The following RBPJ variants were observed in gnomAD, a reference collection of about 807,000 sequenced individuals.
RBPJ encodes the protein recombining binding protein suppressor of hairless.
RBPJ carries 9 observed loss-of-function variants against 67.8 expected under a neutral mutation model. That is an observed-to-expected ratio of 0.13 (90% confidence interval 0.08 to 0.23). The LOEUF (loss-of-function observed/expected upper bound fraction) is 0.23, where lower values mean the gene tolerates loss of function less well. Ranked by LOEUF, RBPJ falls within the 10% of genes least tolerant of loss-of-function variation. RBPJ has a pLI of 1.00. For missense variants in RBPJ, 305 were observed against 595.6 expected (o/e 0.51, Z 5.08); for synonymous variants, 198 against 203.3 (o/e 0.97, Z 0.22).
At chr4:26,208,865 T>C (rs779217670) in intron 1 of RBPJ, among the ~76,000 whole-genome samples, 1 of 152,164 alleles carries the variant, frequency 6.6e-6, no homozygotes, top group Non-Finnish European at 1.5e-5. Flanking sequence ...TATGACTTCA[T>C]TGGCCATTTA....
At position 26,431,104 on chromosome 4, in the gene RBPJ, A is replaced by C. The variant is rs1334868278; in HGVS notation, c.*97A>C. 1.2e-5 allele frequency: 14 copies of C among 1,150,442 alleles called. No homozygotes were observed. The East Asian group carries it at 2.8e-4, about 23-fold the overall frequency. The allele number at this position is 1,150,442 out of a possible 1,614,324, so 71.3% of individuals were successfully genotyped here. On this transcript the variant is annotated 3_prime_UTR_variant, in exon 11 of 11. Transcript: ENST00000355476. ...AACAATCGTTTGTGGTTTCTTGGGAAAACTTTTCATACCAGGTGATACTAT... is the reference window on the plus strand; with the variant it reads ...AACAATCGTTTGTGGTTTCTTGGGACAACTTTTCATACCAGGTGATACTAT...
At chr4:26,393,618 G>A (rs1026532438) in intron 2 of RBPJ, among the ~76,000 whole-genome samples, 1 of 151,988 alleles carries the variant, frequency 6.6e-6, no homozygotes, top group Non-Finnish European at 1.5e-5. Context: ...CAAGTGATCC[G>A]CCTGCCTCGG....
chr4:26,256,642 A>G (rs1482678224), intron 1 of RBPJ, among the ~76,000 whole-genome samples: 5 of 152,236 alleles, frequency 3.3e-5, no homozygotes, highest in African/African-American at 1.2e-4. Flanking sequence ...GTCTTAAGAA[A>G]TAAAACAGGA....
chr4:26,379,299 A>T, intron 1 of RBPJ, among the ~76,000 whole-genome samples: 1 of 151,968 alleles, frequency 6.6e-6, no homozygotes, highest in Admixed American at 6.6e-5. Flanking sequence ...CCCGCCTCTC[A>T]AGCAGTCCTC....
intron 1 of RBPJ, among the ~76,000 whole-genome samples, chr4:26,214,713 GAGAGAGAGA>G (rs1718584516): frequency 2.3e-5 from 1 of 43,188 alleles, no homozygotes; most frequent in African/African-American, 1.8e-4. Context: ...AGGAAGGAAG[GAGAGAGAGA>G]GAAAGAAAGA....
At chr4:26,233,633 T>A (rs1719363188) in intron 1 of RBPJ, among the ~76,000 whole-genome samples, 1 of 152,224 alleles carries the variant, frequency 6.6e-6, no homozygotes, top group Non-Finnish European at 1.5e-5. Flanking sequence ...TATAACTCCT[T>A]TTCATTTTCA....
At chr4:26,275,544 C>A (rs1485528404) in intron 1 of RBPJ, among the ~76,000 whole-genome samples, 2 of 152,162 alleles carry the variant, frequency 1.3e-5, no homozygotes, top group East Asian at 3.8e-4. Context: ...TCAAGTCAGT[C>A]GCCGGAGAAA....
chr4:26,279,574 C>T (rs548761907), intron 1 of RBPJ, among the ~76,000 whole-genome samples: 4 of 152,282 alleles, frequency 2.6e-5, no homozygotes, highest in African/African-American at 9.6e-5. Context: ...CCACGCCCGG[C>T]CTGTTTGATA....
At chr4:26,357,074 C>T (rs1482290353) in intron 1 of RBPJ, among the ~76,000 whole-genome samples, 1 of 151,962 alleles carries the variant, frequency 6.6e-6, no homozygotes, top group Non-Finnish European at 1.5e-5. Flanking sequence ...GAAGGTGAGC[C>T]CAAAAGGGTA....
At chr4:26,341,727 A>T (rs188205435) in intron 1 of RBPJ, among the ~76,000 whole-genome samples, 8 of 152,294 alleles carry the variant, frequency 5.3e-5, no homozygotes, top group African/African-American at 1.9e-4. Flanking sequence ...AGTGACGGAG[A>T]CAAAAACCTA....
chr4:26,282,514 T>C (rs1721308770), intron 1 of RBPJ, among the ~76,000 whole-genome samples: 1 of 147,398 alleles, frequency 6.8e-6, no homozygotes. Flanking sequence ...ATGTATTTCT[T>C]TTTTTTTTCT....
chr4:26,237,450 T>A (rs76519764), intron 1 of RBPJ, among the ~76,000 whole-genome samples: 5,521 of 152,224 alleles, frequency 0.036, 133 homozygotes, highest in Middle Eastern at 0.096. Flanking sequence ...TTAAAGACTC[T>A]AGGAAGTCCT....
rs958109594 is a variant in RBPJ at position 26,314,249 on chromosome 4, T to TA, written c.-166-48188dup. Among the ~76,000 whole-genome samples the TA allele has an allele frequency of 1.1e-4, 16 of 151,494 alleles. No homozygotes were observed. In the South Asian group the frequency reaches 2.1e-3, roughly 20 times the overall value. ...ATACTCTTTCATTCTATGTATAATT[T>TA]AAAAAAAAAGACATCTCTTGATGTT... On this transcript the variant is annotated intron_variant, in intron 1 of 4. Coordinates refer to the RBPJ transcript ENST00000512351.
At chr4:26,418,291 C>A (rs1211917845) in intron 4 of RBPJ, among the ~76,000 whole-genome samples, 1 of 152,194 alleles carries the variant, frequency 6.6e-6, no homozygotes, top group Non-Finnish European at 1.5e-5. Context: ...TTTGCAATAG[C>A]AAGGCAAATG....
chr4:26,321,207 C>T (rs1163252429), intron 1 of RBPJ, among the ~76,000 whole-genome samples, 159 bp downstream of exon 1: 1 of 145,654 alleles, frequency 6.9e-6, no homozygotes, highest in Non-Finnish European at 1.5e-5. Flanking sequence ...GGCGTGTGGC[C>T]GTGCGCTGCC....
rs138207810 is a variant in RBPJ, at chr4:26,198,198, G to C, written c.-167+34584G>C. Among the ~76,000 whole-genome samples, 1,458 of 152,266 alleles carry C rather than the reference G, an allele frequency of 9.6e-3. 11 individuals are homozygous for C. Among genetic ancestry groups the C allele is most frequent in the Non-Finnish European group, 0.017 (1,142 of 68,028 alleles). ...GAACCTGGGAGGCGGAGGTTGCGGT[G>C]AGCTGAGATCGCGCCATTGCACTCC... On this transcript the variant is annotated intron_variant, in intron 1 of 4. Coordinates refer to the RBPJ transcript ENST00000512351.
the RBPJ span, chr4:26,112,131 A>T: frequency 2.0e-5 from 3 of 153,210 alleles, no homozygotes; most frequent in Non-Finnish European, 4.4e-5. Flanking sequence ...CCTGTCAGAG[A>T]GCAGCCAGGA....
At chr4:26,358,117 T>A (rs1183549503) in intron 1 of RBPJ, among the ~76,000 whole-genome samples, 1 of 151,846 alleles carries the variant, frequency 6.6e-6, no homozygotes. Flanking sequence ...TTGAGTTTGA[T>A]AAAACTCTAC....
intron 1 of RBPJ, among the ~76,000 whole-genome samples, chr4:26,324,559 C>T (rs1723424151): frequency 6.6e-6 from 1 of 152,060 alleles, no homozygotes; most frequent in Admixed American, 6.6e-5. Context: ...GAGACAGGGT[C>T]TCACTCTGTG....
Sources: allele counts gnomAD v4.1 joint callset (sites outside exome capture counted in the v4.1 genomes callset), GRCh38; gene constraint gnomAD v4.1.1; transcripts MANE v1.5; gene names NCBI Gene and HGNC (gene_info 2026-07-23, HGNC 2026-07-21).